The following MPRIP variants were observed in gnomAD, a reference collection of about 807,000 sequenced individuals.
MPRIP encodes the protein myosin phosphatase Rho-interacting protein.
In MPRIP, 59 loss-of-function variants were observed where a neutral mutation model predicts 234.9. The ratio of observed to expected loss-of-function variants is 0.25; its 90% CI spans 0.20 to 0.31. The LOEUF is 0.31. MPRIP is among the 10% of genes least tolerant of loss of function. The pLI is 1.00. For missense variants in MPRIP, 2,436 were observed against 3,071.0 expected (o/e 0.79, Z 4.89); for synonymous variants, 1,144 against 1,263.9 (o/e 0.91, Z 2.01).
At chr17:17,151,440 T>C (rs906828270) in intron 12 of MPRIP, among the ~76,000 whole-genome samples, 3 of 152,276 alleles carry the variant, frequency 2.0e-5, no homozygotes, top group Middle Eastern at 3.4e-3. Flanking sequence ...GCGCAGAGCA[T>C]TGCCCGGAAG....
At chr17:17,057,826 G>A (rs1848108028) in intron 1 of MPRIP, 9 of 657,752 alleles carry the variant, frequency 1.4e-5, no homozygotes, top group South Asian at 8.3e-5. Flanking sequence ...TTGAAGAGCC[G>A]CTGATATACT....
intron 3 of MPRIP, among the ~76,000 whole-genome samples, chr17:17,100,671 CTGA>C (rs2089942738): frequency 6.6e-6 from 1 of 151,894 alleles, no homozygotes; most frequent in Admixed American, 6.6e-5. Flanking sequence ...AGTCTAATGC[CTGA>C]TGATCTGTTA....
intron 1 of MPRIP, among the ~76,000 whole-genome samples, chr17:17,061,275 G>A (rs1196715685): frequency 6.6e-6 from 1 of 152,180 alleles, no homozygotes; most frequent in Non-Finnish European, 1.5e-5. Context: ...CAGAAAAGAC[G>A]GACAACCTTG....
At chr17:17,129,527 T>G (rs908744419) in intron 4 of MPRIP, among the ~76,000 whole-genome samples, 2 of 152,182 alleles carry the variant, frequency 1.3e-5, no homozygotes, top group African/African-American at 4.8e-5. Flanking sequence ...AGCCACAGAC[T>G]GCAGTCTGAA....
In MPRIP at chr17:17,161,427, A is replaced by G. The variant is rs2045867177; in HGVS notation, c.2517+71A>G. On this transcript the variant is annotated intron_variant, in intron 15 of 23. Transcript: ENST00000651222. ...CAGTGTGAAGGGTTCATGCTCAGGC[A>G]GGCTAGGAGTGTGCAAAACTTGGCT... 2.4e-5 allele frequency: 27 copies of G among 1,144,150 alleles called. No individual in the cohort carries two copies. In the South Asian group the frequency reaches 4.6e-4, roughly 20 times the overall value. The allele number at this position is 1,144,150 out of a possible 1,614,324, so 70.9% of individuals were successfully genotyped here.
In MPRIP at chr17:17,078,166, A is replaced by G; in HGVS notation, c.267+90A>G. 2 of 1,295,376 alleles carry G rather than the reference A, an allele frequency of 1.5e-6. No individual in the cohort carries two copies. Among genetic ancestry groups the G allele is most frequent in the South Asian group, 1.2e-5 (1 of 84,350 alleles). 80.2% of individuals were successfully genotyped at this position (1,295,376 alleles called of 1,614,324 possible). A position where few individuals can be genotyped will look rare whatever the true frequency, so the allele number is the denominator to read the frequency against. ...TTGCGTTGTCATGTGAGAGCACAGCAGCCATGTGCTCCTGCTTGTGTCTGT... is the reference window on the plus strand; with the variant it reads ...TTGCGTTGTCATGTGAGAGCACAGCGGCCATGTGCTCCTGCTTGTGTCTGT... On this transcript the variant is annotated intron_variant, in intron 3 of 23. Coordinates refer to ENST00000651222, the MANE Select transcript of MPRIP (RefSeq NM_001364716.4). This position sits in a 1 kb window ranked among gnomAD's most constrained non-coding sequence, Gnocchi z 4.3.
intron 9 of MPRIP, among the ~76,000 whole-genome samples, chr17:17,145,279 A>G (rs2045434127): frequency 6.6e-6 from 1 of 152,112 alleles, no homozygotes; most frequent in Non-Finnish European, 1.5e-5. Flanking sequence ...GAATAATACA[A>G]ACAGACATCA....
Position 17,167,700 on chromosome 17 carries a change from C to T in MPRIP, c.6109C>T (p.Leu2037Phe), listed in dbSNP as rs561304004. 2.3e-6 allele frequency: 3 copies of T among 1,304,182 alleles called. No individual in the cohort carries two copies. The highest frequency in any genetic ancestry group is 2.5e-5 in the South Asian group (2 of 81,034). The allele number at this position is 1,304,182 out of a possible 1,614,324, so 80.8% of individuals were successfully genotyped here. Reference protein sequence around the residue: ...SLRCLQDTLCLHQGPHPKALP... With the variant: ...SLRCLQDTLCFHQGPHPKALP... ...GAGGTGCCTTCAGGACACCCTCTGCCTCCACCAGGGGCCACACCCCAAGGC... is the reference window on the plus strand; with the variant it reads ...GAGGTGCCTTCAGGACACCCTCTGCTTCCACCAGGGGCCACACCCCAAGGC... The change falls in exon 16 of 24, where the codon CTC (leucine) becomes TTC (phenylalanine). Residue 2037 changes from leucine (L) to phenylalanine (F), a missense_variant. This residue lies in a region of MPRIP where 1,998 missense variants were observed against 2,520.3 expected (regional missense o/e 0.79). Transcript: ENST00000651222. This position sits in a 1 kb window ranked among gnomAD's most constrained non-coding sequence, Gnocchi z 5.9.
intron 1 of MPRIP, among the ~76,000 whole-genome samples, chr17:17,066,164 G>A (rs952815416): frequency 3.9e-5 from 6 of 152,148 alleles, no homozygotes; most frequent in East Asian, 1.9e-4. Context: ...AGAAATTCGC[G>A]CACTATGTTG....
chr17:17,047,589 G>C (rs1319480257), intron 1 of MPRIP, among the ~76,000 whole-genome samples: 2 of 152,148 alleles, frequency 1.3e-5, no homozygotes, highest in Admixed American at 1.3e-4. Context: ...TACAATCAAG[G>C]CATTCTCTCC....
intron 1 of MPRIP, among the ~76,000 whole-genome samples, chr17:17,067,582 G>A (rs950154208): frequency 3.3e-5 from 5 of 152,180 alleles, no homozygotes; most frequent in African/African-American, 1.2e-4. Flanking sequence ...TTAAGGCTGT[G>A]GTTGACCGTG....
At chr17:17,089,278 T>A (rs747393191) in intron 3 of MPRIP, among the ~76,000 whole-genome samples, 1 of 152,216 alleles carries the variant, frequency 6.6e-6, no homozygotes, top group Non-Finnish European at 1.5e-5. Flanking sequence ...CAGGGCAGCT[T>A]CCTTCTGAGG....
At chr17:17,074,458 G>T (rs1405684459) in intron 1 of MPRIP, among the ~76,000 whole-genome samples, 1 of 152,210 alleles carries the variant, frequency 6.6e-6, no homozygotes, top group African/African-American at 2.4e-5. Context: ...TGTGCTCAGT[G>T]TTCTTTGTGC....
intron 1 of MPRIP, among the ~76,000 whole-genome samples, 164 bp from the exon 2 acceptor site, chr17:17,075,546 C>CT (rs1158463712): frequency 6.6e-6 from 1 of 152,190 alleles, no homozygotes; most frequent in Admixed American, 6.5e-5. Context: ...CCGCCAGCCT[C>CT]TGACTCTCAA....
At chr17:17,143,493 C>T in intron 8 of MPRIP, 63 bp from the exon 9 acceptor site, 1 of 1,117,966 alleles carries the variant, frequency 8.9e-7, no homozygotes. Context: ...ACAGCACCAG[C>T]TCGTCCCTCA....
At position 17,186,742 on chromosome 17, in the gene MPRIP, C is replaced by T. The variant is rs547517310; in HGVS notation, c.*1848C>T. 6 of 152,068 alleles carry T rather than the reference C, an allele frequency of 3.9e-5. No homozygotes were observed. Among genetic ancestry groups the T allele is most frequent in the Admixed American group, 1.3e-4 (2 of 15,262 alleles). The allele number at this position is 152,068 out of a possible 1,614,324, so 9.4% of individuals were successfully genotyped here. ...TCAGATATAGATATACTTATCAGAC[C>T]CCCCCTGACCATTTAGATTGGCAGT... On this transcript the variant is annotated 3_prime_UTR_variant, in exon 24 of 24. Transcript: ENST00000651222.
intron 1 of MPRIP, among the ~76,000 whole-genome samples, chr17:17,069,554 C>A (rs1315865997): frequency 6.7e-6 from 1 of 148,974 alleles, no homozygotes; most frequent in Non-Finnish European, 1.5e-5. Context: ...ATTTATATAT[C>A]AAAATATAGT....
At chr17:17,125,023 A>G (rs898393978) in intron 3 of MPRIP, among the ~76,000 whole-genome samples, 42 of 152,304 alleles carry the variant, frequency 2.8e-4, no homozygotes, top group African/African-American at 9.4e-4. Context: ...CTGGACTAAC[A>G]TAAAGATGGG....
intron 7 of MPRIP, among the ~76,000 whole-genome samples, chr17:17,139,563 G>T (rs1333873556): frequency 1.3e-5 from 2 of 152,182 alleles, no homozygotes; most frequent in East Asian, 3.9e-4. Context: ...CTCAGAGTTA[G>T]AGACGCTACC....
Sources: allele counts gnomAD v4.1 joint callset (sites outside exome capture counted in the v4.1 genomes callset), GRCh38; gene constraint gnomAD v4.1.1; regional missense constraint gnomAD v4.1.1; non-coding constraint Gnocchi (gnomAD v3.1); transcripts MANE v1.5; gene names NCBI Gene and HGNC (gene_info 2026-07-23, HGNC 2026-07-21).